The following RASA1 variants were observed in gnomAD, a reference collection of about 807,000 sequenced individuals.
RASA1 encodes the protein ras GTPase-activating protein 1.
In RASA1, 25 loss-of-function variants were observed where a neutral mutation model predicts 132.2. The ratio of observed to expected loss-of-function variants is 0.19; its 90% CI spans 0.14 to 0.26. The LOEUF (loss-of-function observed/expected upper bound fraction) is 0.26. Ranked by LOEUF, RASA1 falls within the 10% of genes least tolerant of loss-of-function variation. The probability of loss-of-function intolerance (pLI) is 1.00; values close to 1 mark genes in which losing one functional copy is unlikely to be tolerated. For synonymous variants in RASA1, 477 were observed against 449.9 expected (o/e 1.06, Z -0.76); for missense variants, 964 against 1,299.2 (o/e 0.74, Z 3.97).
At chr5:87,388,217 C>A (rs1324090995) in intron 23 of RASA1, among the ~76,000 whole-genome samples, 3 of 152,164 alleles carry the variant, frequency 2.0e-5, no homozygotes, top group Non-Finnish European at 4.4e-5. Flanking sequence ...CGCTATAAAC[C>A]TTTAATCACT....
intron 20 of RASA1, among the ~76,000 whole-genome samples, chr5:87,381,519 AGTTT>A (rs1761715944): frequency 6.6e-6 from 1 of 152,196 alleles, no homozygotes; most frequent in Non-Finnish European, 1.5e-5. Flanking sequence ...ATTATTACAC[AGTTT>A]GTTTTGAAAA....
chr5:87,290,951 T>C (rs956256633), intron 1 of RASA1, among the ~76,000 whole-genome samples: 2 of 152,232 alleles, frequency 1.3e-5, no homozygotes, highest in Non-Finnish European at 2.9e-5. Flanking sequence ...CCAGAAGTTT[T>C]CAATTTATTG....
chr5:87,318,579 A>G (rs1266348215), intron 1 of RASA1: 1 of 152,242 alleles, frequency 6.6e-6, no homozygotes. Flanking sequence ...GGAATGTGCC[A>G]CACACTTTTA....
chr5:87,346,574 A>C (rs1758876655), intron 6 of RASA1, 98 bp from the exon 7 acceptor site: 2 of 663,860 alleles, frequency 3.0e-6, no homozygotes, highest in Non-Finnish European at 5.1e-6. Context: ...TTATTTTATC[A>C]CTTTGAATTA....
chr5:87,299,972 T>C (rs1335584282), intron 1 of RASA1, among the ~76,000 whole-genome samples: 4 of 152,204 alleles, frequency 2.6e-5, no homozygotes, highest in African/African-American at 9.7e-5. Context: ...GCTAAGGAGT[T>C]ATACTATTTT....
intron 1 of RASA1, among the ~76,000 whole-genome samples, chr5:87,289,259 A>G (rs1754810061): frequency 6.6e-6 from 1 of 152,190 alleles, no homozygotes; most frequent in Non-Finnish European, 1.5e-5. Flanking sequence ...CTCAGTACAT[A>G]AGGGCACATG....
chr5:87,354,309 C>T (rs1036849803), intron 9 of RASA1, among the ~76,000 whole-genome samples: 1 of 152,084 alleles, frequency 6.6e-6, no homozygotes, highest in Non-Finnish European at 1.5e-5. Flanking sequence ...AGAAGGACGT[C>T]TATTGCGACT....
At chr5:87,389,077 T>C (rs987399937) in intron 23 of RASA1, among the ~76,000 whole-genome samples, 5 of 152,186 alleles carry the variant, frequency 3.3e-5, no homozygotes, top group African/African-American at 9.7e-5. Context: ...TAAGAATCTT[T>C]AGAATTTTAA....
At chr5:87,337,238 C>T (rs1022410101) in intron 4 of RASA1, among the ~76,000 whole-genome samples, 1 of 151,908 alleles carries the variant, frequency 6.6e-6, no homozygotes, top group African/African-American at 2.4e-5. Flanking sequence ...TTGTTGTTTC[C>T]ATAATTGTGT....
intron 1 of RASA1, among the ~76,000 whole-genome samples, chr5:87,284,550 G>A (rs1754459882): frequency 6.6e-6 from 1 of 152,198 alleles, no homozygotes; most frequent in African/African-American, 2.4e-5. Flanking sequence ...GAGTGGAACT[G>A]TTCTCTACTT....
At position 87,341,304 on chromosome 5, in the gene RASA1, T is replaced by G; in HGVS notation, c.1032T>G (p.Asp344Glu). 1.5e-6 allele frequency: 2 copies of G among 1,354,236 alleles called. No homozygotes were observed. Among genetic ancestry groups the G allele is most frequent in the Non-Finnish European group, 1.9e-6 (2 of 1,045,010 alleles). The allele number at this position is 1,354,236 out of a possible 1,614,324, so 83.9% of individuals were successfully genotyped here. A position where few individuals can be genotyped will look rare whatever the true frequency, so the allele number is the denominator to read the frequency against. The change falls in exon 6 of 25, where the codon GAT becomes GAG. Residue 344 changes from aspartate to glutamate, a missense_variant. Transcript: ENST00000274376. ...DLVEEVGREE[D>E]PHEGKIWFHG... ...CTTCCCTTTAGGGCCGGGAAGAAGA[T>G]CCACATGAAGGAAAAATGTGAGTTT...
chr5:87,277,048 T>G (rs1364646155), intron 1 of RASA1, among the ~76,000 whole-genome samples: 4 of 152,192 alleles, frequency 2.6e-5, no homozygotes, highest in Admixed American at 2.6e-4. Context: ...AAAGGCTCAG[T>G]ATTTGCTAAT....
At chr5:87,363,038 A>G (rs1408299051) in intron 10 of RASA1, among the ~76,000 whole-genome samples, 1 of 151,814 alleles carries the variant, frequency 6.6e-6, no homozygotes, top group Admixed American at 6.6e-5. Flanking sequence ...AAAGTGGAAG[A>G]ATTTTTTCCT....
chr5:87,268,870 C>T lies in RASA1; in HGVS notation c.419C>T (p.Pro140Leu), dbSNP rs761908017. 4.3e-6 allele frequency: 7 copies of T among 1,614,042 alleles called. No individual in the cohort carries two copies. The highest frequency in any genetic ancestry group is 3.3e-5 in the Admixed American group (2 of 60,006). ...GGCGGTTTTCCCCCTCTGCCCCCTCCCCCTTACCTGCCCCCTTTGGGGGCG... is the reference window on the plus strand; with the variant it reads ...GGCGGTTTTCCCCCTCTGCCCCCTCTCCCTTACCTGCCCCCTTTGGGGGCG... ...PGGGFPPLPP[P>L]PYLPPLGAGL... Residue 140 changes from proline (P) to leucine (L), a missense_variant, in exon 1 of 25, where the codon CCC becomes CTC. By Grantham distance (98) the Pro-to-Leu change is moderately conservative. Coordinates refer to ENST00000274376, the MANE Select transcript of RASA1 (RefSeq NM_002890.3).
intron 1 of RASA1, among the ~76,000 whole-genome samples, chr5:87,294,029 T>C (rs954370750): frequency 6.6e-6 from 1 of 152,148 alleles, no homozygotes; most frequent in Non-Finnish European, 1.5e-5. Context: ...ACTTTTGGGT[T>C]TGTTAATTTA....
At chr5:87,367,543 C>G (rs1358836204) in intron 11 of RASA1, among the ~76,000 whole-genome samples, 2 of 152,130 alleles carry the variant, frequency 1.3e-5, no homozygotes, top group African/African-American at 2.4e-5. Flanking sequence ...TGCAATTTTT[C>G]CAGATTATTT....
At chr5:87,383,494 TA>T (rs1761867749) in intron 20 of RASA1, among the ~76,000 whole-genome samples, 1 of 152,082 alleles carries the variant, frequency 6.6e-6, no homozygotes, top group African/African-American at 2.4e-5. Flanking sequence ...GAAAAGTGAG[TA>T]ATACATTCAA....
chr5:87,372,289 C>G (rs1201965943), intron 13 of RASA1, 94 bp downstream of exon 13: 39 of 1,160,974 alleles, frequency 3.4e-5, no homozygotes, highest in Non-Finnish European at 4.9e-5. Flanking sequence ...TTTTGGACAT[C>G]ATATGGGGTT....
At chr5:87,384,170 T>C (rs1761915903) in intron 21 of RASA1, among the ~76,000 whole-genome samples, 1 of 152,192 alleles carries the variant, frequency 6.6e-6, no homozygotes, top group South Asian at 2.1e-4. Context: ...AAATGATATG[T>C]ACAGTTGGAA....
Sources: gnomAD v4.1 joint callset for allele counts (sites outside exome capture counted in the v4.1 genomes callset) on GRCh38, gnomAD v4.1.1 for gene constraint, MANE v1.5 for transcripts, NCBI Gene and HGNC (gene_info 2026-07-23, HGNC 2026-07-21) for gene names.